The following AGO4 variants were observed in gnomAD, a reference collection of about 807,000 sequenced individuals.
AGO4 encodes protein argonaute-4.
AGO4 carries 33 observed loss-of-function variants against 104.7 expected under a neutral mutation model. The ratio of observed to expected loss-of-function variants is 0.32; its 90% CI spans 0.24 to 0.42. The LOEUF (loss-of-function observed/expected upper bound fraction) is 0.42, where lower values mean the gene tolerates loss of function less well. Among genes scored for constraint, AGO4 ranks in the 10% least tolerant of loss-of-function variants. The probability of loss-of-function intolerance (pLI) is 1.00; values close to 1 mark genes in which losing one functional copy is unlikely to be tolerated. For synonymous variants in AGO4, 331 were observed against 364.7 expected, an observed-to-expected ratio of 0.91 and a Z score of 1.05; for missense variants, 711 against 1,083.4, an observed-to-expected ratio of 0.66 and a Z score of 4.83.
chr1:35,811,462 A>G (rs899347037), intron 1 of AGO4, among the ~76,000 whole-genome samples: 1 of 149,636 alleles, frequency 6.7e-6, no homozygotes, highest in African/African-American at 2.5e-5. Context: ...ACTCCATCCA[A>G]AAAAAAACAA....
chr1:35,821,748 A>T (rs1643890159), intron 2 of AGO4, among the ~76,000 whole-genome samples: 1 of 152,214 alleles, frequency 6.6e-6, no homozygotes, highest in African/African-American at 2.4e-5. Context: ...TTGGAATAAG[A>T]CAAGACGGTA....
At chr1:35,830,940 C>A (rs1644167863) in intron 7 of AGO4, among the ~76,000 whole-genome samples, 1 of 150,682 alleles carries the variant, frequency 6.6e-6, no homozygotes, top group Admixed American at 6.6e-5. Flanking sequence ...CCACTGCACT[C>A]CCGCCTGGGC....
At chr1:35,829,266 T>C (rs925215853) in intron 7 of AGO4, among the ~76,000 whole-genome samples, 1 of 151,502 alleles carries the variant, frequency 6.6e-6, no homozygotes, top group South Asian at 2.1e-4. Context: ...GGTAAATTGG[T>C]ATTTCATGTA....
At chr1:35,825,895 CTGAAG>C in intron 5 of AGO4, 26 bp from the exon 6 acceptor site, 1 of 1,608,916 alleles carries the variant, frequency 6.2e-7, no homozygotes, top group Non-Finnish European at 8.5e-7. Flanking sequence ...TCCCTTTTCC[CTGAAG>C]TGAAGTATCC....
upstream of AGO4, among the ~76,000 whole-genome samples, chr1:35,807,996 C>T (rs1267508600): frequency 6.6e-6 from 1 of 151,192 alleles, no homozygotes; most frequent in African/African-American, 2.4e-5. Context: ...CCGGGCTCTG[C>T]ACCCTCCGGG....
intron 6 of AGO4, among the ~76,000 whole-genome samples, chr1:35,826,506 A>G (rs889182004): frequency 1.3e-5 from 2 of 152,232 alleles, no homozygotes; most frequent in Non-Finnish European, 2.9e-5. Flanking sequence ...AACATAGTTG[A>G]TGCTTAATAA....
At chr1:35,817,128 C>A in intron 2 of AGO4, 81 bp downstream of exon 2, 2 of 1,358,676 alleles carry the variant, frequency 1.5e-6, no homozygotes, top group Non-Finnish European at 2.0e-6. Context: ...CTAAATTCAT[C>A]CAACATGTAG....
chr1:35,834,285 A>G (rs915980267), intron 12 of AGO4, 111 bp downstream of exon 12: 1 of 980,912 alleles, frequency 1.0e-6, no homozygotes, highest in Non-Finnish European at 1.4e-6. Flanking sequence ...AGTGGTTCAC[A>G]ACAACAAAGA....
chr1:35,843,152 C>T, intron 15 of AGO4, among the ~76,000 whole-genome samples: 1 of 152,140 alleles, frequency 6.6e-6, no homozygotes, highest in East Asian at 1.9e-4. Flanking sequence ...GCAACCTCTG[C>T]CTCCCGAGGT....
chr1:35,839,743 T>C (rs1437719799), intron 13 of AGO4, among the ~76,000 whole-genome samples: 4 of 152,064 alleles, frequency 2.6e-5, no homozygotes, highest in African/African-American at 9.7e-5. Flanking sequence ...CCATGGGACC[T>C]TACCTTTAGT....
chr1:35,831,328 G>A, intron 7 of AGO4, 99 bp from the exon 8 acceptor site: 1 of 1,330,466 alleles, frequency 7.5e-7, no homozygotes, highest in Non-Finnish European at 1.0e-6. Context: ...TCCAGCCTGG[G>A]CGACAGAGTG....
chr1:35,816,846 A>T, intron 1 of AGO4, 36 bp from the exon 2 acceptor site: 1 of 1,508,290 alleles, frequency 6.6e-7, no homozygotes, highest in Non-Finnish European at 8.9e-7. Flanking sequence ...AAAAGAAAAA[A>T]AAAATAGCAC....
chr1:35,849,368 C>CT (rs202154111), intron 15 of AGO4, among the ~76,000 whole-genome samples: 1,860 of 151,044 alleles, frequency 0.012, 10 homozygotes, highest in Non-Finnish European at 0.016. Context: ...TTGCCAGTGA[C>CT]TTTTTTTTTA....
intron 2 of AGO4, among the ~76,000 whole-genome samples, chr1:35,818,583 C>T (rs1051666571): frequency 5.3e-5 from 8 of 150,094 alleles, no homozygotes; most frequent in Non-Finnish European, 1.2e-4. Flanking sequence ...GAGATCATGC[C>T]GCTGCATTCC....
intron 7 of AGO4, among the ~76,000 whole-genome samples, chr1:35,830,046 A>C (rs1644141053): frequency 6.8e-6 from 1 of 147,642 alleles, no homozygotes. Flanking sequence ...TGGGAGGCTG[A>C]GGTGGGAGAA....
In AGO4 at chr1:35,838,631, G is replaced by A. The variant is rs74529307; in HGVS notation, c.1725-2534G>A. 4.3e-3 allele frequency among the ~76,000 whole-genome samples: 662 copies of A among 152,226 alleles called. 5 individuals carry two copies. Among genetic ancestry groups the A allele is most frequent in the African/African-American group, 0.015 (629 of 41,536 alleles). ...ATTTGAGTTTGTCAGATTGACTCTA[G>A]AGTAAGCAAACACCAAGGCAAGACA... On this transcript the variant is annotated intron_variant, in intron 13 of 17. Coordinates refer to ENST00000373210, the MANE Select transcript of AGO4 (RefSeq NM_017629.4).
intron 3 of AGO4, 33 bp from the exon 4 acceptor site, chr1:35,825,270 ATTGTAAACAT>A: frequency 1.3e-6 from 2 of 1,589,822 alleles, no homozygotes; most frequent in Non-Finnish European, 1.7e-6. Flanking sequence ...TCCCACAGCC[ATTGTAAACAT>A]TTGTGTTTGT....
At chr1:35,828,414 C>T (rs1377042746) in intron 7 of AGO4, among the ~76,000 whole-genome samples, 1 of 152,114 alleles carries the variant, frequency 6.6e-6, no homozygotes, top group Admixed American at 6.6e-5. Context: ...ATTTCTCTCC[C>T]TCCCTTTGTA....
chr1:35,837,979 C>T (rs1276295848), intron 13 of AGO4, among the ~76,000 whole-genome samples: 6 of 151,838 alleles, frequency 4.0e-5, no homozygotes, highest in African/African-American at 1.5e-4. Context: ...ATCTCCCCAG[C>T]TCAAGCGATT....
Sources: gnomAD v4.1 joint callset for allele counts (sites outside exome capture counted in the v4.1 genomes callset) on GRCh38, gnomAD v4.1.1 for gene constraint, MANE v1.5 for transcripts, NCBI Gene and HGNC (gene_info 2026-07-23, HGNC 2026-07-21) for gene names.